The following ACTN4 variants were observed in gnomAD, a reference collection of about 807,000 sequenced individuals.
The protein encoded by ACTN4 is actinin alpha 4.
A neutral mutation model predicts 114.2 loss-of-function variants in ACTN4; 18 were observed. That is an observed-to-expected ratio of 0.16 (90% CI 0.11 to 0.23). The LOEUF (loss-of-function observed/expected upper bound fraction) is 0.23, where lower values mean the gene tolerates loss of function less well. Among genes scored for constraint, ACTN4 ranks in the 10% least tolerant of loss-of-function variants. The pLI is 1.00. For synonymous variants in ACTN4, 515 were observed against 506.3 expected (o/e 1.02, Z -0.23); for missense variants, 722 against 1,262.9 (o/e 0.57, Z 6.49).
chr19:38,701,723 C>A (rs1384344282), intron 3 of ACTN4, among the ~76,000 whole-genome samples: 1 of 152,254 alleles, frequency 6.6e-6, no homozygotes, highest in African/African-American at 2.4e-5. Flanking sequence ...GAGCAGCAGG[C>A]TCTCAGCAGG....
At chr19:38,695,528 C>G (rs1027867730) in intron 1 of ACTN4, among the ~76,000 whole-genome samples, 2 of 152,204 alleles carry the variant, frequency 1.3e-5, no homozygotes, top group African/African-American at 2.4e-5. Flanking sequence ...CTCAGGGGCT[C>G]TTCACCCTGC....
intron 1 of ACTN4, among the ~76,000 whole-genome samples, chr19:38,690,636 C>G (rs987482393): frequency 4.6e-5 from 7 of 152,168 alleles, no homozygotes; most frequent in Non-Finnish European, 1.5e-5. Context: ...AACAAAGACC[C>G]ACCGGTAACA....
At chr19:38,671,325 G>A (rs933778681) in intron 1 of ACTN4, among the ~76,000 whole-genome samples, 10 of 152,078 alleles carry the variant, frequency 6.6e-5, no homozygotes, top group African/African-American at 2.4e-4. Context: ...TTGTTTGTTT[G>A]TTTTGGGTAG....
At chr19:38,721,857 C>G in intron 12 of ACTN4, 169 bp downstream of exon 12, 1 of 978,006 alleles carries the variant, frequency 1.0e-6, no homozygotes. Flanking sequence ...TGGGATGAGG[C>G]CTTTTGCCCA....
At chr19:38,693,561 A>G (rs1373430929) in intron 1 of ACTN4, 1 of 152,010 alleles carries the variant, frequency 6.6e-6, no homozygotes, top group African/African-American at 2.4e-5. Context: ...TTGTTTCTTA[A>G]TCAGCGCCCC....
chr19:38,649,233 G>C (rs544053345), intron 1 of ACTN4, among the ~76,000 whole-genome samples: 1 of 141,110 alleles, frequency 7.1e-6, no homozygotes, highest in Admixed American at 7.2e-5. Context: ...AAGGTGATCA[G>C]AAGTGGAGTG....
intron 1 of ACTN4, among the ~76,000 whole-genome samples, chr19:38,693,241 T>C (rs778333341): frequency 9.9e-5 from 15 of 151,900 alleles, no homozygotes; most frequent in Non-Finnish European, 1.9e-4. Flanking sequence ...GTCTGGATCA[T>C]GTGCTACACA....
At chr19:38,703,985 G>A (rs1461103790) in intron 3 of ACTN4, among the ~76,000 whole-genome samples, 1 of 152,214 alleles carries the variant, frequency 6.6e-6, no homozygotes, top group African/African-American at 2.4e-5. Flanking sequence ...GAGAATTCCA[G>A]CAGGATGGCA....
intron 11 of ACTN4, among the ~76,000 whole-genome samples, chr19:38,719,846 A>G (rs1174474540): frequency 6.6e-6 from 1 of 152,172 alleles, no homozygotes; most frequent in African/African-American, 2.4e-5. Context: ...TGGTGGCCCC[A>G]CTGGCATTCC....
At chr19:38,658,529 A>G (rs1480489980) in intron 1 of ACTN4, among the ~76,000 whole-genome samples, 5 of 152,232 alleles carry the variant, frequency 3.3e-5, no homozygotes, top group Non-Finnish European at 5.9e-5. Flanking sequence ...CTTAAACTAT[A>G]TATTGGATGA....
chr19:38,675,653 A>C (rs768144619), intron 1 of ACTN4, among the ~76,000 whole-genome samples: 2 of 152,218 alleles, frequency 1.3e-5, no homozygotes, highest in Admixed American at 1.3e-4. Context: ...GCTCAAGTCC[A>C]TGTTGCTATC....
chr19:38,729,149 G>C lies in ACTN4; in HGVS notation c.2572G>C (p.Asp858His). The C allele has an allele frequency of 6.2e-7, 1 of 1,613,060 alleles. No homozygotes were observed. Among genetic ancestry groups the C allele is most frequent in the African/African-American group, 1.3e-5 (1 of 75,012 alleles). The change falls in exon 20 of 21, where the codon GAC (aspartate) becomes CAC (histidine). Residue 858 changes from aspartate to histidine, a missense_variant. Physicochemically the swap from Asp to His is moderately conservative, Grantham distance 81 (BLOSUM62 -1). Transcript: ENST00000252699. ...VIASFKVLAG[D>H]KNFITAEELR... is the part of the protein sequence containing the mutation. The stretch of plus-strand genomic sequence containing the variant: ...CGCTTCCTTCAAGGTCTTAGCAGGG[G>C]ACAAGGTGAGCGAGACCCCTACGAG...
At chr19:38,679,205 A>C (rs1424066444) in intron 1 of ACTN4, among the ~76,000 whole-genome samples, 1 of 151,984 alleles carries the variant, frequency 6.6e-6, no homozygotes, top group Non-Finnish European at 1.5e-5. Context: ...CCATTTTCTT[A>C]TTTCCCGAAT....
intron 1 of ACTN4, among the ~76,000 whole-genome samples, chr19:38,655,008 C>A (rs1392625272): frequency 6.6e-6 from 1 of 152,142 alleles, no homozygotes; most frequent in Non-Finnish European, 1.5e-5. Flanking sequence ...ATTCTCTCCC[C>A]CTCCCCCAGG....
Position 38,692,064 on chromosome 19 carries a change from TACCCCACTCAGC to T in ACTN4, c.163-8534_163-8523del, listed in dbSNP as rs140667438. On this transcript the variant is annotated intron_variant, in intron 1 of 20. Transcript: ENST00000252699. Reference sequence around the variant, plus strand: ...CACGCAGGACCTTTGGAATGCTCGCTACCCCACTCAGCAGTATTTATACCTCTTCTCCAACTG... The same window carrying T: ...CACGCAGGACCTTTGGAATGCTCGCTAGTATTTATACCTCTTCTCCAACTG... Among the ~76,000 whole-genome samples, 139 of 152,328 alleles carry T rather than the reference TACCCCACTCAGC, an allele frequency of 9.1e-4. 1 individual carries two copies. In the East Asian group the frequency reaches 0.023, roughly 25 times the overall value.
rs75865160 is a variant in ACTN4, at chr19:38,695,472, C to A, written c.163-5128C>A. On this transcript the variant is annotated intron_variant, in intron 1 of 20. Coordinates refer to ENST00000252699, the MANE Select transcript of ACTN4 (RefSeq NM_004924.6). ...TTGCATTTCTTCTTTGGCGTGCCGG[C>A]AGGGCACCTCTGCCTTCCTCTTCCT... Among the ~76,000 whole-genome samples, 589 of 152,332 alleles carry A rather than the reference C, an allele frequency of 3.9e-3. 17 individuals are homozygous for A. The highest frequency in any genetic ancestry group is 0.031 in the Admixed American group (480 of 15,302).
At chr19:38,687,712 C>T (rs1967792461) in intron 1 of ACTN4, among the ~76,000 whole-genome samples, 3 of 152,220 alleles carry the variant, frequency 2.0e-5, no homozygotes, top group South Asian at 4.2e-4. Context: ...AATCTCATGA[C>T]CTTGGGTTAG....
Position 38,673,617 on chromosome 19 carries a change from T to TTATATAAA in ACTN4, c.162+25716_162+25717insAATATATA, listed in dbSNP as rs1568690148. 3.7e-4 allele frequency among the ~76,000 whole-genome samples: 25 copies of TTATATAAA among 67,368 alleles called. 5 individuals carry two copies. Among genetic ancestry groups the TTATATAAA allele is most frequent in the Non-Finnish European group, 4.9e-4 (16 of 32,912 alleles). 44.2% of individuals were successfully genotyped at this position (67,368 alleles called of 152,430 possible). A position where few individuals can be genotyped will look rare whatever the true frequency, so the allele number is the denominator to read the frequency against. ...TATATTCATATATATTCATTTATAT[T>TTATATAAA]TATATATATTCATATATATTTATAT... On this transcript the variant is annotated intron_variant, in intron 1 of 20. Transcript: ENST00000252699.
chr19:38,660,067 C>T (rs1205784290), intron 1 of ACTN4, among the ~76,000 whole-genome samples: 4 of 152,050 alleles, frequency 2.6e-5, no homozygotes, highest in Non-Finnish European at 5.9e-5. Context: ...GGACTACAGG[C>T]GTGGCCATCA....
Sources: gnomAD v4.1 joint callset for allele counts (sites outside exome capture counted in the v4.1 genomes callset) on GRCh38, gnomAD v4.1.1 for gene constraint, MANE v1.5 for transcripts, NCBI Gene and HGNC (gene_info 2026-07-23, HGNC 2026-07-21) for gene names.